EXD3: variants seen among roughly 807,000 people sequenced by gnomAD.
EXD3 encodes the protein exonuclease mut-7 homolog.
Under a neutral mutation model 98.0 loss-of-function variants are expected in EXD3, and 92 were observed. That is an observed-to-expected ratio of 0.94 (90% CI 0.79 to 1.12). The LOEUF (loss-of-function observed/expected upper bound fraction) is 1.12. EXD3 is among the 50% of genes most tolerant of loss of function. The pLI, the probability that EXD3 is intolerant of heterozygous loss-of-function variation, is 0.00. For missense variants in EXD3, 1,222 were observed against 1,191.6 expected, an observed-to-expected ratio of 1.03 and a Z score of -0.38; for synonymous variants, 569 against 526.0, an observed-to-expected ratio of 1.08 and a Z score of -1.12.
At chr9:137,357,742 G>GTA (rs2119266766) in intron 7 of EXD3, among the ~76,000 whole-genome samples, 1 of 94,924 alleles carries the variant, frequency 1.1e-5, no homozygotes, top group Admixed American at 1.3e-4. Context: ...ATATATATAT[G>GTA]TGTATATATA....
At position 137,365,966 on chromosome 9, in the gene EXD3, GCACA is replaced by G. The variant is rs538958907; in HGVS notation, c.656+523_656+526del. 621 of 511,870 alleles carry G rather than the reference GCACA, an allele frequency of 1.2e-3. 3 individuals carry two copies. The highest frequency in any genetic ancestry group is 1.9e-3 in the Non-Finnish European group (517 of 266,722). 31.7% of individuals were successfully genotyped at this position (511,870 alleles called of 1,614,324 possible). A position where few individuals can be genotyped will look rare whatever the true frequency, so the allele number is the denominator to read the frequency against. On this transcript the variant is annotated intron_variant, in intron 7 of 21. Coordinates refer to ENST00000340951, the MANE Select transcript of EXD3 (RefSeq NM_017820.5). ...ACGTGCACACACGCACATATCACGT[GCACA>G]CACAGAGACACACACATGCACACCT...
chr9:137,310,289 G>A (rs1488871206), intron 19 of EXD3, among the ~76,000 whole-genome samples: 7 of 152,192 alleles, frequency 4.6e-5, no homozygotes, highest in African/African-American at 1.7e-4. Context: ...TGTCACCCAG[G>A]CTGGAATGTA....
At chr9:137,322,269 A>T (rs1832068819) in intron 19 of EXD3, among the ~76,000 whole-genome samples, 1 of 152,088 alleles carries the variant, frequency 6.6e-6, no homozygotes, top group Non-Finnish European at 1.5e-5. Flanking sequence ...AATCCAAGCC[A>T]ATGCCTGATT....
At chr9:137,352,530 G>T (rs1401517108) in intron 11 of EXD3, 90 bp downstream of exon 11, 3 of 1,256,940 alleles carry the variant, frequency 2.4e-6, no homozygotes, top group South Asian at 3.1e-5. Flanking sequence ...TCAAGCCACT[G>T]GCGTGAAGAC....
chr9:137,355,506 A>AGGAGAAAG (rs1834633203), intron 8 of EXD3, among the ~76,000 whole-genome samples: 2 of 80,622 alleles, frequency 2.5e-5, no homozygotes, highest in African/African-American at 5.5e-5. Context: ...GGAAGGAGGA[A>AGGAGAAAG]GGAGGAAGGA....
At chr9:137,387,729 C>T (rs1189545246) in intron 2 of EXD3, among the ~76,000 whole-genome samples, 6 of 152,328 alleles carry the variant, frequency 3.9e-5, no homozygotes, top group Non-Finnish European at 1.5e-5. Context: ...ACCGAGGGAC[C>T]TCCCAGACCC....
In EXD3 at chr9:137,395,543, TAGCGGGCAGCTCCACACTCCTCTCCC is replaced by T. The variant is rs1159565450; in HGVS notation, c.-47-165_-47-140del. ...AAGTGGGACCCCCAGTCGCTGAGCA[TAGCGGGCAGCTCCACACTCCTCTCCC>T]AGCTGGGGTGACGGCTGCCAAGTTT... On this transcript the variant is annotated intron_variant, in intron 1 of 21. Coordinates refer to ENST00000340951, the MANE Select transcript of EXD3 (RefSeq NM_017820.5). This position sits in a 1 kb window ranked among gnomAD's most constrained non-coding sequence, Gnocchi z 6.5. 1.1e-4 allele frequency: 84 copies of T among 739,134 alleles called. No individual in the cohort carries two copies. In the African/African-American group the frequency reaches 1.4e-3, roughly 12 times the overall value. 45.8% of individuals were successfully genotyped at this position (739,134 alleles called of 1,614,324 possible).
intron 3 of EXD3, among the ~76,000 whole-genome samples, chr9:137,379,411 G>A (rs199670579): frequency 3.5e-5 from 3 of 85,004 alleles, no homozygotes; most frequent in Admixed American, 1.0e-4. Context: ...TGAGGGGTAC[G>A]GGGTTTGTGG....
In EXD3 at chr9:137,337,190, G is replaced by A. The variant is rs564299725; in HGVS notation, c.1998+10881C>T. 2.6e-3 allele frequency among the ~76,000 whole-genome samples: 402 copies of A among 152,254 alleles called. 4 individuals carry two copies. The highest frequency in any genetic ancestry group is 9.4e-3 in the African/African-American group (391 of 41,554). ...TAATTATAAAAGATTTCACACAACAGAAAGATATAAGAATTCTAATAATAA... is the reference window on the plus strand; with the variant it reads ...TAATTATAAAAGATTTCACACAACAAAAAGATATAAGAATTCTAATAATAA... On this transcript the variant is annotated intron_variant, in intron 17 of 21. Transcript: ENST00000340951.
intron 17 of EXD3, among the ~76,000 whole-genome samples, chr9:137,337,489 A>G (rs1833416128): frequency 6.6e-6 from 1 of 151,990 alleles, no homozygotes; most frequent in Admixed American, 6.6e-5. Context: ...TATCTCTACT[A>G]AAAATACAAA....
chr9:137,355,499 A>AGGAGGAT (rs1834629701), intron 8 of EXD3, among the ~76,000 whole-genome samples: 8 of 27,718 alleles, frequency 2.9e-4, no homozygotes, highest in South Asian at 3.5e-3. Flanking sequence ...GGATGGAGGA[A>AGGAGGAT]GGAGGAAGGA....
chr9:137,420,735 T>TCCCCC (rs1337914999), intron 1 of EXD3, among the ~76,000 whole-genome samples: 2 of 97,254 alleles, frequency 2.1e-5, no homozygotes, highest in African/African-American at 3.9e-5. Context: ...GGACAGACAT[T>TCCCCC]CACCCCCCCC....
intron 17 of EXD3, among the ~76,000 whole-genome samples, chr9:137,337,305 A>G (rs1353137299): frequency 3.9e-5 from 6 of 152,214 alleles, no homozygotes; most frequent in Admixed American, 3.3e-4. Context: ...GTACCATCAC[A>G]GGAACCTTCT....
intron 1 of EXD3, among the ~76,000 whole-genome samples, chr9:137,401,718 C>T (rs1837488395): frequency 6.6e-6 from 1 of 152,224 alleles, no homozygotes; most frequent in African/African-American, 2.4e-5. Context: ...GTGTCTGGGA[C>T]ATGGGGCACC....
Position 137,338,597 on chromosome 9 carries a change from A to G in EXD3, c.1998+9474T>C, listed in dbSNP as rs545520133. Among the ~76,000 whole-genome samples the G allele has an allele frequency of 2.6e-5, 4 of 152,220 alleles. No individual in the cohort carries two copies. In the South Asian group the frequency reaches 8.3e-4, roughly 32 times the overall value. On this transcript the variant is annotated intron_variant, in intron 17 of 21. Coordinates refer to ENST00000340951, the MANE Select transcript of EXD3 (RefSeq NM_017820.5). ...CCAAATACTGGTTATTTTAAAAGGC[A>G]GTAAGTTGGCCGGGCGCAGTGGCTC...
intron 9 of EXD3, 38 bp downstream of exon 9, chr9:137,354,662 C>A (rs140079756): frequency 2.5e-6 from 4 of 1,607,488 alleles, no homozygotes; most frequent in Admixed American, 1.7e-5. Flanking sequence ...GCTCAGGCCG[C>A]GGCTGGCTGC....
At chr9:137,308,242 C>T (rs1298738981) in intron 20 of EXD3, among the ~76,000 whole-genome samples, 1 of 152,196 alleles carries the variant, frequency 6.6e-6, no homozygotes, top group Non-Finnish European at 1.5e-5. Flanking sequence ...GTCTGCCCTG[C>T]TCCTGTTGAC....
chr9:137,315,500 G>A (rs1281647674), intron 19 of EXD3, among the ~76,000 whole-genome samples: 2 of 152,086 alleles, frequency 1.3e-5, no homozygotes, highest in African/African-American at 4.8e-5. Flanking sequence ...CAGCAGACTT[G>A]GGGGCCCCCG....
intron 3 of EXD3, among the ~76,000 whole-genome samples, chr9:137,375,080 C>T (rs187612020): frequency 0.026 from 3,900 of 151,970 alleles, 171 homozygotes; most frequent in African/African-American, 0.089. Context: ...GCGATCTCGA[C>T]TCACTGCAAG....
Sources: gnomAD v4.1 joint callset for allele counts (sites outside exome capture counted in the v4.1 genomes callset) on GRCh38, gnomAD v4.1.1 for gene constraint, Gnocchi (gnomAD v3.1) non-coding constraint, MANE v1.5 for transcripts, NCBI Gene and HGNC (gene_info 2026-07-23, HGNC 2026-07-21) for gene names.